ATP2B1: variants seen among roughly 807,000 people sequenced by gnomAD.
ATP2B1 encodes ATPase plasma membrane Ca2+ transporting 1.
A neutral mutation model predicts 124.2 loss-of-function variants in ATP2B1; 14 were observed. The observed-to-expected ratio is 0.11, with a 90% CI of 0.07 to 0.18. The LOEUF (loss-of-function observed/expected upper bound fraction) is 0.18. Among genes scored for constraint, ATP2B1 ranks in the 10% least tolerant of loss-of-function variants. The pLI, the probability that ATP2B1 is intolerant of heterozygous loss-of-function variation, is 1.00. For synonymous variants in ATP2B1, 449 were observed against 492.4 expected, an observed-to-expected ratio of 0.91 and a Z score of 1.17; for missense variants, 763 against 1,466.1, an observed-to-expected ratio of 0.52 and a Z score of 7.83.
rs542118643 is a variant in ATP2B1, at chr12:89,706,008, T to C, written c.-222+2588A>G. On this transcript the variant is annotated intron_variant, in intron 1 of 20. Transcript: ENST00000428670. Reference sequence around the variant, plus strand: ...CTTGGGAGCTAAATCCCTTTTCTCATGTTACATCAAAAAAGGAGGCTGTGC... The same window carrying C: ...CTTGGGAGCTAAATCCCTTTTCTCACGTTACATCAAAAAAGGAGGCTGTGC... Among the ~76,000 whole-genome samples, 4 of 152,272 alleles carry C rather than the reference T, an allele frequency of 2.6e-5. No homozygotes were observed. The South Asian group carries it at 8.3e-4, about 32-fold the overall frequency.
intron 12 of ATP2B1, 51 bp downstream of exon 12, chr12:89,616,751 C>A (rs1331632007): frequency 1.3e-6 from 2 of 1,539,240 alleles, no homozygotes; most frequent in Non-Finnish European, 1.8e-6. Context: ...AGGCCTAGGT[C>A]CTCTATAGTT....
intron 2 of ATP2B1, among the ~76,000 whole-genome samples, chr12:89,646,033 C>G (rs1884399265): frequency 6.6e-6 from 1 of 151,902 alleles, no homozygotes; most frequent in Non-Finnish European, 1.5e-5. Context: ...GGAAGGAGAT[C>G]AGACAACGTA....
intron 1 of ATP2B1, among the ~76,000 whole-genome samples, chr12:89,695,058 C>CAAAAAAAA (rs544087541): frequency 0.24 from 26,199 of 109,672 alleles, 3,369 homozygotes; most frequent in Non-Finnish European, 0.31. Flanking sequence ...GATGCTGTTT[C>CAAAAAAAA]AAAAAAAAAA....
intron 15 of ATP2B1, among the ~76,000 whole-genome samples, chr12:89,608,552 T>C (rs916954231): frequency 2.0e-5 from 3 of 151,912 alleles, no homozygotes; most frequent in Admixed American, 2.0e-4. Flanking sequence ...CCTAAAACCA[T>C]GAAGAGCTTA....
chr12:89,633,169 G>A (rs894654694), intron 5 of ATP2B1, among the ~76,000 whole-genome samples: 3 of 152,058 alleles, frequency 2.0e-5, no homozygotes, highest in African/African-American at 7.2e-5. Flanking sequence ...TAAGTAGAAT[G>A]AGTTAACACA....
In ATP2B1 at chr12:89,589,056, G is replaced by C. The variant is rs748501716; in HGVS notation, c.*1928C>G. On this transcript the variant is annotated 3_prime_UTR_variant, in exon 21 of 21. Transcript: ENST00000428670. ...CATATCATGCTACCTCTTTTTTACA[G>C]TATGATTCACTATAAATACCTGATG... is the stretch of plus-strand genomic sequence containing the variant. 1 of 152,512 alleles carries C rather than the reference G, an allele frequency of 6.6e-6. No homozygotes were observed. Among genetic ancestry groups the C allele is most frequent in the Admixed American group, 6.6e-5 (1 of 15,248 alleles). 9.4% of individuals were successfully genotyped at this position (152,512 alleles called of 1,614,324 possible).
At position 89,672,370 on chromosome 12, in the gene ATP2B1, C is replaced by T. The variant is rs542304021; in HGVS notation, c.-221-16263G>A. ...ACAAGAGGCTGAGGTAGAAGGATTG[C>T]TTGAATCTGGGAGGGAGAGGCTGCA... is the stretch of plus-strand genomic sequence containing the variant. On this transcript the variant is annotated intron_variant, in intron 1 of 20. Transcript: ENST00000428670. 3.1e-3 allele frequency among the ~76,000 whole-genome samples: 473 copies of T among 152,054 alleles called. 5 individuals are homozygous for T. The highest frequency in any genetic ancestry group is 0.011 in the African/African-American group (458 of 41,478).
Position 89,656,020 on chromosome 12 carries a change from G to T in ATP2B1, c.-134C>A. 1 of 838,494 alleles carries T rather than the reference G, an allele frequency of 1.2e-6. No individual in the cohort carries two copies. Among genetic ancestry groups the T allele is most frequent in the Non-Finnish European group, 1.8e-6 (1 of 562,832 alleles). The allele number at this position is 838,494 out of a possible 1,614,324, so 51.9% of individuals were successfully genotyped here. On this transcript the variant is annotated 5_prime_UTR_variant, in exon 2 of 21. Transcript: ENST00000428670. ...AACACTCATTGTATGACTTTGTAAA[G>T]CAGCATCAGCAGCAACATTTCCCAG...
chr12:89,694,782 C>T (rs1264346198), intron 1 of ATP2B1, among the ~76,000 whole-genome samples: 2 of 152,100 alleles, frequency 1.3e-5, no homozygotes, highest in Admixed American at 6.6e-5. Context: ...ACTGGCCAGG[C>T]GCAGTGGCTC....
intron 1 of ATP2B1, among the ~76,000 whole-genome samples, chr12:89,708,161 C>A (rs1164850728): frequency 6.6e-6 from 1 of 152,164 alleles, no homozygotes; most frequent in Non-Finnish European, 1.5e-5. Context: ...AGAGGGGTGA[C>A]CCTCCCGGGG....
chr12:89,595,043 A>C (rs1874316349), intron 20 of ATP2B1, among the ~76,000 whole-genome samples: 1 of 152,058 alleles, frequency 6.6e-6, no homozygotes, highest in Non-Finnish European at 1.5e-5. Context: ...AAGGAGACCC[A>C]CCTGTGTAAT....
rs1883626960 is a variant in ATP2B1 at position 89,642,101 on chromosome 12, C to T, written c.406+57G>A. On this transcript the variant is annotated intron_variant, in intron 3 of 20. Transcript: ENST00000428670. ...GCCAGCTATTATTATTGTGCATTAACTAAATGAATTAGCTGAACTAGCATC... is the reference window on the plus strand; with the variant it reads ...GCCAGCTATTATTATTGTGCATTAATTAAATGAATTAGCTGAACTAGCATC... The T allele has an allele frequency of 2.0e-6, 3 of 1,500,192 alleles. No homozygotes were observed. In the Admixed American group the frequency reaches 5.3e-5, roughly 26 times the overall value. The allele number at this position is 1,500,192 out of a possible 1,614,324, so 92.9% of individuals were successfully genotyped here. A position where few individuals can be genotyped will look rare whatever the true frequency, so the allele number is the denominator to read the frequency against.
At chr12:89,653,728 GTTAAC>G (rs1341337395) in intron 2 of ATP2B1, among the ~76,000 whole-genome samples, 8 of 152,288 alleles carry the variant, frequency 5.3e-5, no homozygotes, top group South Asian at 4.1e-4. Flanking sequence ...AAAATTTTCA[GTTAAC>G]TTAACTTCAC....
intron 1 of ATP2B1, among the ~76,000 whole-genome samples, chr12:89,671,502 A>G (rs1887979378): frequency 6.6e-6 from 1 of 152,216 alleles, no homozygotes; most frequent in Non-Finnish European, 1.5e-5. Flanking sequence ...TTTGCAGTAT[A>G]CACTCTACAT....
intron 2 of ATP2B1, among the ~76,000 whole-genome samples, chr12:89,643,605 ACAGAG>A: frequency 6.6e-6 from 1 of 152,344 alleles, no homozygotes; most frequent in Non-Finnish European, 1.5e-5. Context: ...GGAGGTTAAG[ACAGAG>A]CTAGTTGGAT....
chr12:89,671,852 G>A (rs200535435), intron 1 of ATP2B1, among the ~76,000 whole-genome samples: 2 of 149,308 alleles, frequency 1.3e-5, no homozygotes, highest in Admixed American at 1.3e-4. Context: ...ATATGAACCT[G>A]AGACAAAAAT....
At chr12:89,654,284 G>A (rs768256150) in intron 2 of ATP2B1, among the ~76,000 whole-genome samples, 2 of 152,090 alleles carry the variant, frequency 1.3e-5, no homozygotes, top group Non-Finnish European at 2.9e-5. Flanking sequence ...AAGTCCATGG[G>A]AACTGTTCCT....
chr12:89,610,020 C>A lies in ATP2B1; in HGVS notation c.2359G>T (p.Asp787Tyr). Reference protein sequence around the residue: ...VKGIIDSTVSDQRQVVAVTGD... With the variant: ...VKGIIDSTVSYQRQVVAVTGD... ...GTTACAGCTACAACCTGGCGTTGGT[C>A]TGAGACAGTGCTGTCAATTATACCT... The change falls in exon 15 of 21, where the codon GAC becomes TAC. Residue 787 changes from aspartate to tyrosine, a missense_variant. By Grantham distance (160) the Asp-to-Tyr change is radical. Transcript: ENST00000428670. 6.2e-7 allele frequency: 1 copy of A among 1,613,608 alleles called. No homozygotes were observed. The highest frequency in any genetic ancestry group is 8.5e-7 in the Non-Finnish European group (1 of 1,179,686).
At chr12:89,605,886 T>C (rs759489060) in intron 15 of ATP2B1, among the ~76,000 whole-genome samples, 1 of 152,000 alleles carries the variant, frequency 6.6e-6, no homozygotes, top group Non-Finnish European at 1.5e-5. Flanking sequence ...TTGGTAAGAG[T>C]GCTAAAGGTC....
Sources: allele counts gnomAD v4.1 joint callset (sites outside exome capture counted in the v4.1 genomes callset), GRCh38; gene constraint gnomAD v4.1.1; transcripts MANE v1.5; gene names NCBI Gene and HGNC (gene_info 2026-07-23, HGNC 2026-07-21).